RFTN1: variants seen among roughly 807,000 people sequenced by gnomAD.
RFTN1 encodes the protein raftlin, lipid raft linker 1, also known as raftlin.
In RFTN1, 26 loss-of-function variants were observed where a neutral mutation model predicts 46.5. The observed-to-expected ratio is 0.56, with a 90% CI of 0.41 to 0.78. The LOEUF is 0.78. Among genes scored for constraint, RFTN1 ranks in the 30% least tolerant of loss-of-function variants. The probability of loss-of-function intolerance (pLI) is 0.00; values close to 1 mark genes in which losing one functional copy is unlikely to be tolerated. For missense variants in RFTN1, 693 were observed against 718.7 expected (o/e 0.96, Z 0.41); for synonymous variants, 261 against 284.2 (o/e 0.92, Z 0.82).
At chr3:16,377,077 ATGGT>A (rs974173179) in intron 5 of RFTN1, among the ~76,000 whole-genome samples, 2 of 152,040 alleles carry the variant, frequency 1.3e-5, no homozygotes, top group African/African-American at 4.8e-5. Context: ...GGAAATATGG[ATGGT>A]TGATTTCCTG....
intron 2 of RFTN1, among the ~76,000 whole-genome samples, chr3:16,437,552 A>G (rs1407562519): frequency 6.6e-6 from 1 of 152,062 alleles, no homozygotes. Context: ...GCCAGCTACT[A>G]GGGAGGCTGA....
At chr3:16,423,059 T>C (rs1263540373) in intron 3 of RFTN1, among the ~76,000 whole-genome samples, 6 of 151,916 alleles carry the variant, frequency 3.9e-5, no homozygotes. Flanking sequence ...TCCCAGCTCC[T>C]TGGGAGGCTG....
intron 1 of RFTN1, among the ~76,000 whole-genome samples, chr3:16,494,114 T>C (rs2076586889): frequency 6.6e-6 from 1 of 152,184 alleles, no homozygotes; most frequent in Non-Finnish European, 1.5e-5. Context: ...TTTTTTTAAA[T>C]GACACCAAAA....
intron 9 of RFTN1, among the ~76,000 whole-genome samples, chr3:16,323,127 A>G (rs969317397): frequency 2.6e-5 from 4 of 152,146 alleles, no homozygotes; most frequent in African/African-American, 7.2e-5. Context: ...TGAAGCCTCC[A>G]GAAGAGCCTC....
rs1474122804 is a variant in RFTN1, at chr3:16,507,524, G to A, written c.-9+5918C>T. On this transcript the variant is annotated intron_variant, in intron 1 of 9. Transcript: ENST00000334133. The surrounding 1 kb of genome is among the most constrained non-coding windows in gnomAD (Gnocchi z 7.1). Reference sequence around the variant, plus strand: ...TTACAACAGTTCCCCCAAATCTGAGGAACTTTAGCGCTATTCCATAAAACT... The same window carrying A: ...TTACAACAGTTCCCCCAAATCTGAGAAACTTTAGCGCTATTCCATAAAACT... 6.6e-6 allele frequency among the ~76,000 whole-genome samples: 1 copy of A among 151,954 alleles called. No individual in the cohort carries two copies. Among genetic ancestry groups the A allele is most frequent in the East Asian group, 1.9e-4 (1 of 5,188 alleles).
intron 4 of RFTN1, among the ~76,000 whole-genome samples, chr3:16,386,398 A>G (rs2074175840): frequency 6.6e-6 from 1 of 152,192 alleles, no homozygotes; most frequent in Admixed American, 6.5e-5. Context: ...TAATAATAAC[A>G]ATAGGTATTA....
At chr3:16,392,668 C>T (rs1213189204) in intron 4 of RFTN1, among the ~76,000 whole-genome samples, 1 of 103,440 alleles carries the variant, frequency 9.7e-6, no homozygotes, top group Non-Finnish European at 1.8e-5. Flanking sequence ...TATATATGTA[C>T]ACACACACAC....
Position 16,452,157 on chromosome 3 carries a change from CG to C in RFTN1, c.146-18121del. On this transcript the variant is annotated intron_variant, in intron 2 of 9. Coordinates refer to ENST00000334133, the MANE Select transcript of RFTN1 (RefSeq NM_015150.2). This position sits in a 1 kb window ranked among gnomAD's most constrained non-coding sequence, Gnocchi z 6.3. ...TTTTTCATTTCATATTTTGGAAACA[CG>C]GTTGACTATAGGTAACCAAAACCAC... is the stretch of plus-strand genomic sequence containing the variant. Among the ~76,000 whole-genome samples, 1 of 152,194 alleles carries C rather than the reference CG, an allele frequency of 6.6e-6. No individual in the cohort carries two copies. The highest frequency in any genetic ancestry group is 2.1e-4 in the South Asian group (1 of 4,812).
At chr3:16,365,019 C>G (rs562251092) in intron 6 of RFTN1, among the ~76,000 whole-genome samples, 1 of 152,322 alleles carries the variant, frequency 6.6e-6, no homozygotes, top group South Asian at 2.1e-4. Flanking sequence ...TACGTGTGTG[C>G]TAAACTGCAA....
At chr3:16,439,364 C>A (rs1326163764) in intron 2 of RFTN1, among the ~76,000 whole-genome samples, 1 of 152,148 alleles carries the variant, frequency 6.6e-6, no homozygotes, top group Admixed American at 6.5e-5. Context: ...ATCAGAGTAA[C>A]CTCTCCACTA....
At chr3:16,409,630 G>A (rs1262563660) in intron 3 of RFTN1, 147 bp from the exon 4 acceptor site, 5 of 541,384 alleles carry the variant, frequency 9.2e-6, no homozygotes, top group African/African-American at 1.9e-5. Context: ...CAATTGTCCT[G>A]CCTCAGCCTC....
intron 2 of RFTN1, 72 bp downstream of exon 2, chr3:16,493,653 G>C: frequency 2.4e-6 from 3 of 1,227,280 alleles, no homozygotes; most frequent in Non-Finnish European, 2.2e-6. Context: ...CTCTCCAACT[G>C]CACCCCCATC....
rs1393542197 is a variant in RFTN1, at chr3:16,345,156, C to T, written c.1146+12776G>A. 1.3e-5 allele frequency: 2 copies of T among 152,390 alleles called. No homozygotes were observed. Among genetic ancestry groups the T allele is most frequent in the East Asian group, 3.9e-4 (2 of 5,182 alleles). 9.4% of individuals were successfully genotyped at this position (152,390 alleles called of 1,614,324 possible). A position where few individuals can be genotyped will look rare whatever the true frequency, so the allele number is the denominator to read the frequency against. ...CCAAAACCTCTAATAAGGCACACAGCTCTGCTGACATCCCATTTCAGTGTT... is the reference window on the plus strand; with the variant it reads ...CCAAAACCTCTAATAAGGCACACAGTTCTGCTGACATCCCATTTCAGTGTT... On this transcript the variant is annotated intron_variant, in intron 7 of 9. Transcript: ENST00000334133. The surrounding 1 kb of genome is among the most constrained non-coding windows in gnomAD (Gnocchi z 5.2).
chr3:16,376,274 A>G lies in RFTN1; in HGVS notation c.826+1444T>C, dbSNP rs2073766914. Among the ~76,000 whole-genome samples the G allele has an allele frequency of 6.6e-6, 1 of 152,220 alleles. No individual in the cohort carries two copies. The highest frequency in any genetic ancestry group is 1.5e-5 in the Non-Finnish European group (1 of 68,044). On this transcript the variant is annotated intron_variant, in intron 5 of 9. Coordinates refer to ENST00000334133, the MANE Select transcript of RFTN1 (RefSeq NM_015150.2). This position sits in a 1 kb window ranked among gnomAD's most constrained non-coding sequence, Gnocchi z 4.7. The stretch of plus-strand genomic sequence containing the variant: ...CCTTTCCATGAGAAACTATCGTTCT[A>G]TCCCCATTTCAAAGGGTGAGAAACT...
In RFTN1 at chr3:16,468,630, G is replaced by A. The variant is rs1237231676; in HGVS notation, c.145+25095C>T. On this transcript the variant is annotated intron_variant, in intron 2 of 9. Transcript: ENST00000334133. The surrounding 1 kb of genome is among the most constrained non-coding windows in gnomAD (Gnocchi z 4.4). ...TCCTCACGTACAACCCAGCGTTTGA[G>A]TAAAAAAAAAAAAAAAAAAAACTTT... Among the ~76,000 whole-genome samples the A allele has an allele frequency of 6.7e-5, 7 of 104,906 alleles. No individual in the cohort carries two copies. Among genetic ancestry groups the A allele is most frequent in the African/African-American group, 1.2e-4 (3 of 24,252 alleles). The allele number at this position is 104,906 out of a possible 152,430, so 68.8% of individuals were successfully genotyped here.
At chr3:16,375,826 G>A (rs1171732167) in intron 5 of RFTN1, among the ~76,000 whole-genome samples, 1 of 152,118 alleles carries the variant, frequency 6.6e-6, no homozygotes, top group Non-Finnish European at 1.5e-5. Context: ...TCCCCAGCAG[G>A]GTCTGTTTCT....
rs1319859921 is a variant in RFTN1 at position 16,320,886 on chromosome 3, A to G, written c.1332+2490T>C. Among the ~76,000 whole-genome samples the G allele has an allele frequency of 2.0e-5, 3 of 152,240 alleles. No individual in the cohort carries two copies. On this transcript the variant is annotated intron_variant, in intron 9 of 9. Coordinates refer to ENST00000334133, the MANE Select transcript of RFTN1 (RefSeq NM_015150.2). The surrounding 1 kb of genome is among the most constrained non-coding windows in gnomAD (Gnocchi z 4.5). The stretch of plus-strand genomic sequence containing the variant: ...ATACAAAACTAGAACTCCTTTGAGC[A>G]GTGGGATGACAGGATTCAAGTTCCC...
chr3:16,462,913 T>A (rs1188990857), intron 2 of RFTN1, among the ~76,000 whole-genome samples: 1 of 152,196 alleles, frequency 6.6e-6, no homozygotes, highest in Non-Finnish European at 1.5e-5. Flanking sequence ...GTGTTATGAA[T>A]TGAGCTTAAC....
Position 16,493,878 on chromosome 3 carries a change from C to T in RFTN1, c.-8-1G>A, listed in dbSNP as rs1461345095. 2 of 1,614,134 alleles carry T rather than the reference C, an allele frequency of 1.2e-6. No homozygotes were observed. The highest frequency in any genetic ancestry group is 3.3e-5 in the Admixed American group (2 of 60,024). On this transcript the variant is annotated splice_acceptor_variant, in intron 1 of 9. Coordinates refer to ENST00000334133, the MANE Select transcript of RFTN1 (RefSeq NM_015150.2). LOFTEE classifies it low-confidence loss of function (5UTR_SPLICE). ...TTCAATCCGCAACCCATTTCAGCAG[C>T]TGCTGGCCAAAGGAAAAAGGCGGGG...
Sources: allele counts gnomAD v4.1 joint callset (sites outside exome capture counted in the v4.1 genomes callset), GRCh38; gene constraint gnomAD v4.1.1; non-coding constraint Gnocchi (gnomAD v3.1); transcripts MANE v1.5; gene names NCBI Gene and HGNC (gene_info 2026-07-23, HGNC 2026-07-21).